The following PTPRD variants were observed in gnomAD, a reference collection of about 807,000 sequenced individuals.
PTPRD encodes the protein protein tyrosine phosphatase receptor type D.
In PTPRD, 34 loss-of-function variants were observed where a neutral mutation model predicts 214.5. The observed-to-expected ratio is 0.16, with a 90% confidence interval of 0.12 to 0.21. The LOEUF is 0.21. Among genes scored for constraint, PTPRD ranks in the 10% least tolerant of loss-of-function variants. The probability of loss-of-function intolerance (pLI) is 1.00; values close to 1 mark genes in which losing one functional copy is unlikely to be tolerated. For synonymous variants in PTPRD, 1,128 were observed against 845.7 expected (o/e 1.33, Z -5.79); for missense variants, 2,545 against 2,398.7 (o/e 1.06, Z -1.27).
At chr9:10,369,795 C>A (rs558143746) in intron 2 of PTPRD, among the ~76,000 whole-genome samples, 1 of 152,022 alleles carries the variant, frequency 6.6e-6, no homozygotes, top group East Asian at 1.9e-4. Context: ...GTGAGCTACA[C>A]AGCACATTAG....
intron 2 of PTPRD, among the ~76,000 whole-genome samples, chr9:10,483,525 C>A (rs962379568): frequency 6.6e-6 from 1 of 151,818 alleles, no homozygotes; most frequent in Non-Finnish European, 1.5e-5. Context: ...GTCAACTCTG[C>A]ACCTGACAAA....
chr9:9,326,404 A>G (rs2039916800), intron 9 of PTPRD, among the ~76,000 whole-genome samples: 1 of 152,178 alleles, frequency 6.6e-6, no homozygotes, highest in African/African-American at 2.4e-5. Flanking sequence ...ATTTGAAATA[A>G]AAGTTGCTGT....
At chr9:10,300,586 C>T (rs1017161175) in intron 3 of PTPRD, among the ~76,000 whole-genome samples, 6 of 152,114 alleles carry the variant, frequency 3.9e-5, no homozygotes, top group Admixed American at 6.5e-5. Flanking sequence ...AGGGAAGGGG[C>T]GTCTGCCATT....
At chr9:9,834,273 T>A (rs1199064500) in intron 5 of PTPRD, among the ~76,000 whole-genome samples, 1 of 152,100 alleles carries the variant, frequency 6.6e-6, no homozygotes, top group Non-Finnish European at 1.5e-5. Flanking sequence ...TTGGACTATG[T>A]AACAGTCATT....
At chr9:9,393,543 G>A (rs1052380206) in intron 9 of PTPRD, among the ~76,000 whole-genome samples, 2 of 152,156 alleles carry the variant, frequency 1.3e-5, no homozygotes, top group African/African-American at 4.8e-5. Flanking sequence ...ACTTATTGGA[G>A]TGGAATAACT....
At chr9:10,560,122 G>T (rs1284486884) in intron 2 of PTPRD, among the ~76,000 whole-genome samples, 1 of 151,984 alleles carries the variant, frequency 6.6e-6, no homozygotes, top group African/African-American at 2.4e-5. Flanking sequence ...TGTTTATCGC[G>T]GCACTATTCA....
chr9:8,349,568 C>G (rs368063555), intron 39 of PTPRD, among the ~76,000 whole-genome samples: 12 of 152,244 alleles, frequency 7.9e-5, no homozygotes, highest in South Asian at 4.1e-4. Flanking sequence ...CAACTTGAAA[C>G]ATGATAAGAA....
intron 9 of PTPRD, among the ~76,000 whole-genome samples, chr9:9,255,786 C>T (rs1266757909): frequency 1.3e-5 from 2 of 151,938 alleles, no homozygotes; most frequent in Non-Finnish European, 2.9e-5. Context: ...CCACAAGATC[C>T]GGGACTTTTT....
rs192827519 is a variant in PTPRD at position 8,744,007 on chromosome 9, C to T, written c.-103-10061G>A. ...ACAGACAATTCTCAAAAAAGATATA[C>T]AAATGGCCAACAAGCATATGGAAAA... On this transcript the variant is annotated intron_variant, in intron 11 of 45. Coordinates refer to ENST00000381196, the MANE Select transcript of PTPRD (RefSeq NM_002839.4). Among the ~76,000 whole-genome samples, 334 of 151,424 alleles carry T rather than the reference C, an allele frequency of 2.2e-3. 1 individual carries two copies. The highest frequency in any genetic ancestry group is 3.5e-3 in the Middle Eastern group (1 of 288).
At chr9:10,393,516 T>C (rs2098111939) in intron 2 of PTPRD, among the ~76,000 whole-genome samples, 1 of 151,376 alleles carries the variant, frequency 6.6e-6, no homozygotes, top group Non-Finnish European at 1.5e-5. Context: ...TGGGGCCAGG[T>C]ATGATGACTC....
intron 10 of PTPRD, among the ~76,000 whole-genome samples, chr9:9,083,737 G>A (rs1569534536): frequency 6.6e-6 from 1 of 151,866 alleles, no homozygotes; most frequent in Non-Finnish European, 1.5e-5. Flanking sequence ...TTAAAAGTGG[G>A]CTAAAGATTT....
At chr9:10,210,757 T>C (rs1359259291) in intron 3 of PTPRD, among the ~76,000 whole-genome samples, 1 of 85,308 alleles carries the variant, frequency 1.2e-5, no homozygotes, top group Non-Finnish European at 2.9e-5. Context: ...ATTTAAAATG[T>C]TTATATATAA....
At chr9:8,970,926 C>CAAT (rs1555626208) in intron 11 of PTPRD, among the ~76,000 whole-genome samples, 1 of 151,028 alleles carries the variant, frequency 6.6e-6, no homozygotes, top group Non-Finnish European at 1.5e-5. Flanking sequence ...AAAACAACAA[C>CAAT]AAAAACCAAA....
intron 14 of PTPRD, among the ~76,000 whole-genome samples, chr9:8,629,506 C>A (rs572904303): frequency 6.6e-6 from 1 of 151,808 alleles, no homozygotes; most frequent in Non-Finnish European, 1.5e-5. Flanking sequence ...TCTTACAACA[C>A]TCTCTCTGGT....
chr9:8,611,488 T>C (rs988336162), intron 14 of PTPRD, among the ~76,000 whole-genome samples: 11 of 152,178 alleles, frequency 7.2e-5, no homozygotes, highest in Non-Finnish European at 1.5e-4. Flanking sequence ...GTGAATTGCT[T>C]GAGCCCAGGA....
intron 2 of PTPRD, among the ~76,000 whole-genome samples, chr9:10,486,849 G>A (rs183925378): frequency 6.6e-6 from 1 of 152,170 alleles, no homozygotes; most frequent in African/African-American, 2.4e-5. Context: ...TAAACTTGAT[G>A]TTTCTTCATT....
rs77318662 is a variant in PTPRD, at chr9:8,900,731, G to C, written c.-104+117966C>G. ...TGAGAAAGACAGTCTTGTTTGTAGTGAATAAACCAAATTAGCACTGAACAC... is the reference window on the plus strand; with the variant it reads ...TGAGAAAGACAGTCTTGTTTGTAGTCAATAAACCAAATTAGCACTGAACAC... On this transcript the variant is annotated intron_variant, in intron 11 of 45. Coordinates refer to ENST00000381196, the MANE Select transcript of PTPRD (RefSeq NM_002839.4). Among the ~76,000 whole-genome samples, 89 of 152,240 alleles carry C rather than the reference G, an allele frequency of 5.8e-4. No individual in the cohort carries two copies. In the East Asian group the frequency reaches 0.016, roughly 28 times the overall value.
At chr9:9,455,462 A>C (rs2092855171) in intron 8 of PTPRD, among the ~76,000 whole-genome samples, 1 of 151,648 alleles carries the variant, frequency 6.6e-6, no homozygotes, top group East Asian at 1.9e-4. Context: ...AACATTAACA[A>C]TCATTCCAAC....
At chr9:10,446,128 C>T (rs2098797273) in intron 2 of PTPRD, among the ~76,000 whole-genome samples, 1 of 151,978 alleles carries the variant, frequency 6.6e-6, no homozygotes, top group Admixed American at 6.6e-5. Context: ...TTCTCCACCC[C>T]ACCCCCTTTG....
Sources: gnomAD v4.1 joint callset for allele counts (sites outside exome capture counted in the v4.1 genomes callset) on GRCh38, gnomAD v4.1.1 for gene constraint, MANE v1.5 for transcripts, NCBI Gene and HGNC (gene_info 2026-07-23, HGNC 2026-07-21) for gene names.